The following ZC3H18 variants were observed in gnomAD, a reference collection of about 807,000 sequenced individuals.
ZC3H18 encodes the protein zinc finger CCCH domain-containing protein 18.
Under a neutral mutation model 106.1 loss-of-function variants are expected in ZC3H18, and 8 were observed. The ratio of observed to expected loss-of-function variants is 0.08; its 90% CI spans 0.04 to 0.14. The LOEUF (loss-of-function observed/expected upper bound fraction) is 0.14. Ranked by LOEUF, ZC3H18 falls within the 10% of genes least tolerant of loss-of-function variation. The probability of loss-of-function intolerance (pLI) is 1.00; values close to 1 mark genes in which losing one functional copy is unlikely to be tolerated. For missense variants in ZC3H18, 1,318 were observed against 1,278.4 expected, an observed-to-expected ratio of 1.03 and a Z score of -0.47; for synonymous variants, 635 against 522.1, an observed-to-expected ratio of 1.22 and a Z score of -2.95.
chr16:88,625,610 C>T (rs1906255649), intron 13 of ZC3H18: 2 of 332,972 alleles, frequency 6.0e-6, no homozygotes, highest in Non-Finnish European at 1.1e-5. Context: ...CCCAGCAGGG[C>T]AGAGGCTGGG....
intron 15 of ZC3H18, 168 bp from the exon 16 acceptor site, chr16:88,628,590 T>C (rs1906463656): frequency 6.0e-6 from 4 of 667,532 alleles, no homozygotes; most frequent in South Asian, 1.9e-5. Context: ...GGGGTGCCCT[T>C]GGTCCGGGTC....
chr16:88,586,566 C>T, intron 2 of ZC3H18, 34 bp from the exon 3 acceptor site: 1 of 1,578,494 alleles, frequency 6.3e-7, no homozygotes, highest in Non-Finnish European at 8.7e-7. Context: ...TGATAGATGC[C>T]TCCCCCACGC....
At chr16:88,588,928 C>T (rs891062085) in intron 3 of ZC3H18, among the ~76,000 whole-genome samples, 3 of 151,510 alleles carry the variant, frequency 2.0e-5, no homozygotes, top group South Asian at 2.1e-4. Context: ...AGCATTTTTG[C>T]GGCTTAATCA....
At chr16:88,592,532 G>C (rs980798306) in intron 3 of ZC3H18, among the ~76,000 whole-genome samples, 1 of 152,100 alleles carries the variant, frequency 6.6e-6, no homozygotes, top group Admixed American at 6.5e-5. Context: ...GGAGTGCAAT[G>C]GCGTGATCTC....
chr16:88,618,676 C>T (rs1905771801), intron 8 of ZC3H18, among the ~76,000 whole-genome samples: 1 of 152,184 alleles, frequency 6.6e-6, no homozygotes, highest in South Asian at 2.1e-4. Flanking sequence ...CTGACCTTTG[C>T]CCCTTAGAGA....
chr16:88,628,683 C>G, intron 15 of ZC3H18, 75 bp from the exon 16 acceptor site: 2 of 1,521,978 alleles, frequency 1.3e-6, no homozygotes, highest in Non-Finnish European at 1.8e-6. Flanking sequence ...GGCAAGGAAC[C>G]CATGTCCTCT....
At chr16:88,624,441 G>A in intron 11 of ZC3H18, 161 bp from the exon 12 acceptor site, 1 of 1,183,730 alleles carries the variant, frequency 8.4e-7, no homozygotes, top group Non-Finnish European at 1.2e-6. Flanking sequence ...CAAGCACTCT[G>A]ACACCGATGG....
chr16:88,613,977 AG>A (rs753743647), intron 8 of ZC3H18, among the ~76,000 whole-genome samples: 6 of 152,206 alleles, frequency 3.9e-5, no homozygotes, highest in Non-Finnish European at 8.8e-5. Context: ...GCTCCGTCTC[AG>A]GGTTGGTTTG....
chr16:88,628,909 G>A lies in ZC3H18; in HGVS notation c.2566+55G>A, dbSNP rs571873401. The stretch of plus-strand genomic sequence containing the variant: ...CAGAGGGACGGGAGCCTGGGGATGC[G>A]GAGCAGCTGGGTCTGAGACCCCATT... On this transcript the variant is annotated intron_variant, in intron 16 of 17. Coordinates refer to ENST00000301011, the MANE Select transcript of ZC3H18 (RefSeq NM_144604.4). The A allele has an allele frequency of 3.5e-5, 55 of 1,592,168 alleles. No individual in the cohort carries two copies. The South Asian group carries it at 5.1e-4, about 15-fold the overall frequency.
intron 6 of ZC3H18, 55 bp downstream of exon 6, chr16:88,600,003 C>G: frequency 1.3e-6 from 2 of 1,596,928 alleles, no homozygotes; most frequent in South Asian, 2.3e-5. Flanking sequence ...GGCCACGCTC[C>G]GGAGAGAGCA....
chr16:88,624,072 C>T lies in ZC3H18; in HGVS notation c.1898+10C>T, dbSNP rs1157448041. Reference sequence around the variant, plus strand: ...CGCCCGGGAAAGCAGGGTGAGTGCCCAGCCTGTGGGCAAGTCCTGGCCGGC... The same window carrying T: ...CGCCCGGGAAAGCAGGGTGAGTGCCTAGCCTGTGGGCAAGTCCTGGCCGGC... On this transcript the variant is annotated intron_variant, in intron 11 of 17. Coordinates refer to ENST00000301011, the MANE Select transcript of ZC3H18 (RefSeq NM_144604.4). 6.2e-7 allele frequency: 1 copy of T among 1,605,496 alleles called. No homozygotes were observed. Among genetic ancestry groups the T allele is most frequent in the East Asian group, 2.3e-5 (1 of 44,398 alleles).
rs73262333 is a variant in ZC3H18 at position 88,606,503 on chromosome 16, T to A, written c.1089-2431T>A. On this transcript the variant is annotated intron_variant, in intron 6 of 17. Transcript: ENST00000301011. Reference sequence around the variant, plus strand: ...CAAATTTGCCGGCACAGTCCTCTTGTCAGAGAACACACGCCTCACACATTT... The same window carrying A: ...CAAATTTGCCGGCACAGTCCTCTTGACAGAGAACACACGCCTCACACATTT... Among the ~76,000 whole-genome samples, 375 of 152,350 alleles carry A rather than the reference T, an allele frequency of 2.5e-3. 2 individuals carry two copies. Among genetic ancestry groups the A allele is most frequent in the African/African-American group, 8.7e-3 (363 of 41,582 alleles).
chr16:88,577,469 G>T lies in ZC3H18; in HGVS notation c.346G>T (p.Ala116Ser), dbSNP rs1362310015. 5 of 1,612,634 alleles carry T rather than the reference G, an allele frequency of 3.1e-6. No individual in the cohort carries two copies. Among genetic ancestry groups the T allele is most frequent in the Non-Finnish European group, 3.4e-6 (4 of 1,179,594 alleles). ...CCGGACAAGCGACCTTAGGGATGAG[G>T]CCTCCTCAGTCACCAGGGAGCTGGA... is the stretch of plus-strand genomic sequence containing the variant. The part of the protein sequence containing the change: ...EDRTSDLRDE[A>S]SSVTRELDEH... Residue 116 changes from alanine to serine, a missense_variant, in exon 2 of 18, where the codon GCC becomes TCC. Coordinates refer to ENST00000301011, the MANE Select transcript of ZC3H18 (RefSeq NM_144604.4).
intron 6 of ZC3H18, among the ~76,000 whole-genome samples, chr16:88,607,651 T>A (rs1450808456): frequency 6.8e-6 from 1 of 147,070 alleles, no homozygotes; most frequent in South Asian, 2.2e-4. Context: ...TTCACAGGCT[T>A]CATGTCACGT....
chr16:88,570,757 G>C (rs1356083207), intron 1 of ZC3H18, among the ~76,000 whole-genome samples, 191 bp downstream of exon 1: 3 of 151,662 alleles, frequency 2.0e-5, no homozygotes, highest in Admixed American at 1.3e-4. Context: ...ACCACCCCGA[G>C]TTCCGTCCGT....
At chr16:88,571,218 TTA>T (rs748287706) in intron 1 of ZC3H18, among the ~76,000 whole-genome samples, 6 of 152,222 alleles carry the variant, frequency 3.9e-5, no homozygotes, top group Non-Finnish European at 8.8e-5. Flanking sequence ...CCTGAATACT[TTA>T]TGACAACTGA....
intron 1 of ZC3H18, among the ~76,000 whole-genome samples, chr16:88,576,730 T>C (rs1326602996): frequency 6.6e-6 from 1 of 152,230 alleles, no homozygotes; most frequent in Non-Finnish European, 1.5e-5. Flanking sequence ...AGTTTATCTT[T>C]AATTTCAAAA....
Position 88,598,271 on chromosome 16 carries a change from C to T in ZC3H18, c.782C>T (p.Pro261Leu), listed in dbSNP as rs369687997. Reference sequence around the variant, plus strand: ...CTAATCACCAAAGCCGACCCCTTCCCGCCTAATGGTGCCCCGCCTCTCGGA... The same window carrying T: ...CTAATCACCAAAGCCGACCCCTTCCTGCCTAATGGTGCCCCGCCTCTCGGA... ...YSLITKADPF[P>L]PNGAPPLGPH... The change falls in exon 4 of 18, where the codon CCG becomes CTG. Residue 261 changes from proline (P) to leucine (L), a missense_variant. Pro to Leu is a moderately conservative substitution (Grantham distance 98, BLOSUM62 -3). Coordinates refer to ENST00000301011, the MANE Select transcript of ZC3H18 (RefSeq NM_144604.4). 2.7e-5 allele frequency: 43 copies of T among 1,613,092 alleles called. No individual in the cohort carries two copies. Among genetic ancestry groups the T allele is most frequent in the Admixed American group, 6.7e-5 (4 of 59,638 alleles).
chr16:88,587,437 T>C, intron 3 of ZC3H18: 1 of 956,804 alleles, frequency 1.0e-6, no homozygotes, highest in Non-Finnish European at 1.6e-6. Context: ...AGGAAGGTGT[T>C]TTTCTCTTTT....
Sources: gnomAD v4.1 joint callset for allele counts (sites outside exome capture counted in the v4.1 genomes callset) on GRCh38, gnomAD v4.1.1 for gene constraint, MANE v1.5 for transcripts, NCBI Gene and HGNC (gene_info 2026-07-23, HGNC 2026-07-21) for gene names.